IQSEC1: variants seen among roughly 807,000 people sequenced by gnomAD.
The protein encoded by IQSEC1 is IQ motif and Sec7 domain ArfGEF 1, also known as IQ motif and SEC7 domain-containing protein 1.
A neutral mutation model predicts 91.0 loss-of-function variants in IQSEC1; 31 were observed. The ratio of observed to expected loss-of-function variants is 0.34; its 90% CI spans 0.26 to 0.46. The LOEUF is 0.46. IQSEC1 is among the 20% of genes least tolerant of loss of function. The probability of loss-of-function intolerance (pLI) is 1.00; values close to 1 mark genes in which losing one functional copy is unlikely to be tolerated. For synonymous variants in IQSEC1, 699 were observed against 662.6 expected (o/e 1.05, Z -0.84); for missense variants, 1,388 against 1,575.6 (o/e 0.88, Z 2.02).
chr3:12,962,095 G>A (rs190307801), intron 1 of IQSEC1, among the ~76,000 whole-genome samples: 68 of 152,340 alleles, frequency 4.5e-4, no homozygotes, highest in Admixed American at 1.4e-3. Flanking sequence ...GGTGACTGAC[G>A]CCAGGGCTCT....
chr3:13,281,837 G>A (rs1695795384), intron 1 of IQSEC1, among the ~76,000 whole-genome samples: 1 of 152,138 alleles, frequency 6.6e-6, no homozygotes, highest in Non-Finnish European at 1.5e-5. Flanking sequence ...GGGTGATCCC[G>A]AAGACAGAGA....
intron 2 of IQSEC1, among the ~76,000 whole-genome samples, chr3:13,081,818 C>T (rs557034708): frequency 6.6e-6 from 1 of 152,148 alleles, no homozygotes; most frequent in Admixed American, 6.5e-5. Context: ...CCTCTCTGAG[C>T]CTGCTTTCCC....
chr3:13,060,748 T>C (rs1036363194), intron 1 of IQSEC1, among the ~76,000 whole-genome samples: 1 of 152,162 alleles, frequency 6.6e-6, no homozygotes, highest in Admixed American at 6.5e-5. Context: ...GGGAGACTCA[T>C]CAGCCGGAAG....
In IQSEC1 at chr3:13,136,655, C is replaced by T. The variant is rs559822971; in HGVS notation, c.302+27449G>A. Among the ~76,000 whole-genome samples the T allele has an allele frequency of 5.7e-4, 87 of 152,282 alleles. 1 individual carries two copies. Among genetic ancestry groups the T allele is most frequent in the Admixed American group, 4.8e-3 (73 of 15,300 alleles). On this transcript the variant is annotated intron_variant, in intron 2 of 15. Coordinates refer to the IQSEC1 transcript ENST00000648114. The stretch of plus-strand genomic sequence containing the variant: ...GGAGGAAACAGGGACAGCAAATGAC[C>T]TAGGCAAGGATGCGCCACCTCCCGA...
intron 1 of IQSEC1, among the ~76,000 whole-genome samples, chr3:13,227,399 AAG>A (rs1270316871): frequency 2.0e-4 from 29 of 148,076 alleles, no homozygotes; most frequent in African/African-American, 6.2e-4. Flanking sequence ...AAAAAAAAGA[AAG>A]AAAGAAAAGA....
intron 1 of IQSEC1, among the ~76,000 whole-genome samples, chr3:12,984,989 T>C (rs1229284822): frequency 1.3e-5 from 2 of 151,732 alleles, no homozygotes; most frequent in African/African-American, 4.8e-5. Flanking sequence ...CACGCCCGGC[T>C]AATTTTTTGT....
Position 12,941,580 on chromosome 3 carries a change from C to T in IQSEC1, c.309G>A (p.Gln103=). ...GGCTGTGCTCTCCTACCTGCTTGTC[C>T]TGCAGGTCCGAGGAGAGCTCATAGC... is the stretch of plus-strand genomic sequence containing the variant. ...SESYELSSDL[Q]DKQVEMLERK... is the part of the protein sequence containing the mutation. The change falls in exon 2 of 14, where the codon CAG becomes CAA. Residue 103 remains glutamine, a synonymous_variant. Transcript: ENST00000613206. 1 of 1,577,622 alleles carries T rather than the reference C, an allele frequency of 6.3e-7. No individual in the cohort carries two copies. The highest frequency in any genetic ancestry group is 8.6e-7 in the Non-Finnish European group (1 of 1,157,390).
chr3:12,909,179 C>T lies in IQSEC1; in HGVS notation c.2578+94G>A, dbSNP rs555944255. On this transcript the variant is annotated intron_variant, in intron 11 of 13. Coordinates refer to ENST00000613206, the MANE Select transcript of IQSEC1 (RefSeq NM_001134382.3). The surrounding 1 kb of genome is among the most constrained non-coding windows in gnomAD (Gnocchi z 4.9). ...CAGAAAAGACTGGGGGACATCTTGT[C>T]TCTGTGAGCTCAGAAGTCACTGCCC... 1.6e-4 allele frequency: 206 copies of T among 1,327,032 alleles called. No individual in the cohort carries two copies. The highest frequency in any genetic ancestry group is 2.1e-4 in the Non-Finnish European group (197 of 944,396). 82.2% of individuals were successfully genotyped at this position (1,327,032 alleles called of 1,614,324 possible).
chr3:12,972,013 CAAAA>C (rs1236475718), intron 1 of IQSEC1, among the ~76,000 whole-genome samples: 2 of 103,702 alleles, frequency 1.9e-5, no homozygotes, highest in Admixed American at 2.5e-4. Flanking sequence ...GACTCCATCT[CAAAA>C]CAAACAAACA....
intron 1 of IQSEC1, among the ~76,000 whole-genome samples, chr3:13,055,767 G>A (rs2125074920): frequency 6.6e-6 from 1 of 152,354 alleles, no homozygotes; most frequent in South Asian, 2.1e-4. Context: ...AGGTCACAGA[G>A]GGAGTACATG....
At position 12,909,504 on chromosome 3, in the gene IQSEC1, C is replaced by T. The variant is rs1695360472; in HGVS notation, c.2417-70G>A. ...TGTTCTCTGCAATCTCCTCTCTGGT[C>T]AGGAAACAATGGTAGGGCTGAGTTG... On this transcript the variant is annotated intron_variant, in intron 10 of 13. Coordinates refer to ENST00000613206, the MANE Select transcript of IQSEC1 (RefSeq NM_001134382.3). The surrounding 1 kb of genome is among the most constrained non-coding windows in gnomAD (Gnocchi z 4.9). 6.8e-7 allele frequency: 1 copy of T among 1,474,464 alleles called. No individual in the cohort carries two copies. Among genetic ancestry groups the T allele is most frequent in the African/African-American group, 1.4e-5 (1 of 71,896 alleles). 91.3% of individuals were successfully genotyped at this position (1,474,464 alleles called of 1,614,324 possible).
chr3:13,255,617 G>T (rs74281320), intron 1 of IQSEC1, among the ~76,000 whole-genome samples: 242 of 130,966 alleles, frequency 1.8e-3, no homozygotes, highest in Non-Finnish European at 3.1e-3. Context: ...GTGTTTTGGG[G>T]TTTTTTTTTT....
chr3:13,144,603 C>T (rs908967594), intron 2 of IQSEC1, among the ~76,000 whole-genome samples: 5 of 152,216 alleles, frequency 3.3e-5, no homozygotes, highest in African/African-American at 1.2e-4. Flanking sequence ...TCCCCCTGGG[C>T]ACACCAGAGG....
At chr3:12,989,233 G>T (rs1701880844) in intron 1 of IQSEC1, among the ~76,000 whole-genome samples, 1 of 152,186 alleles carries the variant, frequency 6.6e-6, no homozygotes, top group Non-Finnish European at 1.5e-5. Context: ...TTGCTCCAGT[G>T]GTAACCCCAG....
At chr3:13,128,329 G>A (rs1706551952) in intron 2 of IQSEC1, among the ~76,000 whole-genome samples, 1 of 152,168 alleles carries the variant, frequency 6.6e-6, no homozygotes, top group African/African-American at 2.4e-5. Context: ...TTATAAAGTT[G>A]AGGAAGTTCC....
intron 1 of IQSEC1, among the ~76,000 whole-genome samples, chr3:13,037,909 A>T (rs189521026): frequency 4.7e-4 from 71 of 152,156 alleles, no homozygotes; most frequent in African/African-American, 1.7e-3. Flanking sequence ...AGGATAAAAA[A>T]GTTCTGGAGA....
At chr3:13,276,201 G>T (rs1695677025) in intron 1 of IQSEC1, among the ~76,000 whole-genome samples, 1 of 142,668 alleles carries the variant, frequency 7.0e-6, no homozygotes, top group Admixed American at 7.6e-5. Flanking sequence ...CCATTCTCCT[G>T]CCTCAGCCTC....
chr3:12,916,829 T>C (rs933517657), intron 6 of IQSEC1, among the ~76,000 whole-genome samples: 3 of 152,220 alleles, frequency 2.0e-5, no homozygotes, highest in Non-Finnish European at 2.9e-5. Flanking sequence ...CCAAGAACAG[T>C]GAAGAAGGCC....
In IQSEC1 at chr3:13,172,692, C is replaced by T. The variant is rs116503994; in HGVS notation, c.273-8559G>A. On this transcript the variant is annotated intron_variant, in intron 1 of 15. Coordinates refer to the IQSEC1 transcript ENST00000648114. ...CCTTCGAATTGGACATTGCCATTGT[C>T]CCCTGGGTGCAGATGAGGGCAGTGA... Among the ~76,000 whole-genome samples the T allele has an allele frequency of 3.8e-3, 572 of 152,330 alleles. 6 individuals are homozygous for T. Among genetic ancestry groups the T allele is most frequent in the African/African-American group, 0.012 (511 of 41,578 alleles).
Sources: allele counts gnomAD v4.1 joint callset (sites outside exome capture counted in the v4.1 genomes callset), GRCh38; gene constraint gnomAD v4.1.1; non-coding constraint Gnocchi (gnomAD v3.1); transcripts MANE v1.5; gene names NCBI Gene and HGNC (gene_info 2026-07-23, HGNC 2026-07-21).